Variants in DPYD observed in about 807,000 individuals in gnomAD.
The protein encoded by DPYD is dihydropyrimidine dehydrogenase, also known as dihydropyrimidine dehydrogenase [NADP(+)].
DPYD carries 109 observed loss-of-function variants against 116.2 expected under a neutral mutation model. That is an observed-to-expected ratio of 0.94 (90% CI 0.80 to 1.10). The LOEUF (loss-of-function observed/expected upper bound fraction) is 1.10. Among genes scored for constraint, DPYD ranks in the 50% least tolerant of loss-of-function variants. DPYD has a pLI of 0.00. For synonymous variants in DPYD, 440 were observed against 432.0 expected (o/e 1.02, Z -0.23); for missense variants, 1,302 against 1,254.5 (o/e 1.04, Z -0.57).
intron 3 of DPYD, among the ~76,000 whole-genome samples, chr1:97,772,765 T>C (rs1666209401): frequency 1.3e-5 from 2 of 152,078 alleles, no homozygotes; most frequent in Non-Finnish European, 1.5e-5. Context: ...CATACAAACA[T>C]ATACATGAGG....
At chr1:97,605,449 G>A (rs1287062146) in intron 8 of DPYD, among the ~76,000 whole-genome samples, 1 of 151,858 alleles carries the variant, frequency 6.6e-6, no homozygotes, top group Admixed American at 6.6e-5. Context: ...TCCCCTGCTG[G>A]CACTCACTCC....
chr1:97,333,756 G>A (rs1053944128), intron 16 of DPYD, among the ~76,000 whole-genome samples: 3 of 151,580 alleles, frequency 2.0e-5, no homozygotes, highest in South Asian at 2.1e-4. Flanking sequence ...TCCTGACCTC[G>A]TGATCCACCC....
intron 8 of DPYD, among the ~76,000 whole-genome samples, chr1:97,667,168 T>G (rs1659613276): frequency 6.6e-6 from 1 of 152,136 alleles, no homozygotes; most frequent in African/African-American, 2.4e-5. Context: ...TATAGACAAA[T>G]TTTGTAGACA....
At chr1:97,540,007 T>G (rs910321076) in intron 12 of DPYD, among the ~76,000 whole-genome samples, 1 of 152,092 alleles carries the variant, frequency 6.6e-6, no homozygotes, top group Non-Finnish European at 1.5e-5. Flanking sequence ...TCCACTAAAA[T>G]CTCACAACAC....
intron 11 of DPYD, among the ~76,000 whole-genome samples, chr1:97,566,196 T>C (rs1297207616): frequency 1.3e-5 from 2 of 152,144 alleles, no homozygotes; most frequent in African/African-American, 4.8e-5. Flanking sequence ...AAAGTACAAT[T>C]TATTGTAATT....
intron 8 of DPYD, among the ~76,000 whole-genome samples, chr1:97,649,378 G>T (rs989260568): frequency 2.0e-5 from 3 of 151,992 alleles, no homozygotes; most frequent in Non-Finnish European, 4.4e-5. Context: ...GCAAATTTTA[G>T]AAAATAAAAA....
chr1:97,530,867 C>G (rs150652692), intron 12 of DPYD, among the ~76,000 whole-genome samples: 5 of 152,104 alleles, frequency 3.3e-5, no homozygotes, highest in African/African-American at 1.2e-4. Flanking sequence ...TCCTGATGAT[C>G]AGTGATAAGC....
At chr1:97,367,410 A>G (rs1671094449) in intron 16 of DPYD, among the ~76,000 whole-genome samples, 1 of 152,090 alleles carries the variant, frequency 6.6e-6, no homozygotes, top group Non-Finnish European at 1.5e-5. Context: ...TTTAAGGTTT[A>G]CCACTTTTAA....
At chr1:97,156,037 G>C (rs1419798028) in intron 20 of DPYD, among the ~76,000 whole-genome samples, 3 of 152,254 alleles carry the variant, frequency 2.0e-5, no homozygotes, top group Non-Finnish European at 4.4e-5. Flanking sequence ...TGGGTACCAT[G>C]TTGTGAGTAG....
At chr1:97,546,271 C>G (rs1471708910) in intron 12 of DPYD, 6 of 1,460,228 alleles carry the variant, frequency 4.1e-6, no homozygotes, top group Non-Finnish European at 4.7e-6. Flanking sequence ...AAAAAGAAAC[C>G]TTTAAAAAAA....
At chr1:97,145,898 A>G (rs1250958821) in intron 20 of DPYD, among the ~76,000 whole-genome samples, 1 of 151,948 alleles carries the variant, frequency 6.6e-6, no homozygotes, top group Non-Finnish European at 1.5e-5. Context: ...TTGCTTTTTT[A>G]ATAGGTGTGC....
intron 7 of DPYD, among the ~76,000 whole-genome samples, chr1:97,683,594 C>T (rs1447125301): frequency 6.6e-6 from 1 of 151,586 alleles, no homozygotes; most frequent in African/African-American, 2.4e-5. Context: ...ATATAAAGAC[C>T]ATGAAACAAA....
chr1:97,327,325 C>G (rs1211041043), intron 16 of DPYD, among the ~76,000 whole-genome samples: 3 of 151,956 alleles, frequency 2.0e-5, no homozygotes, highest in Non-Finnish European at 2.9e-5. Flanking sequence ...TCTTATCCTG[C>G]TACAGATTAA....
At chr1:97,079,954 A>G (rs894313614) in intron 22 of DPYD, among the ~76,000 whole-genome samples, 4 of 152,072 alleles carry the variant, frequency 2.6e-5, no homozygotes, top group Non-Finnish European at 5.9e-5. Flanking sequence ...CTAGTATGAA[A>G]TTCAGGACCG....
chr1:97,208,260 C>T (rs1570672823), intron 19 of DPYD, among the ~76,000 whole-genome samples: 4 of 123,834 alleles, frequency 3.2e-5, no homozygotes, highest in Non-Finnish European at 1.8e-5. Flanking sequence ...TTCTTTCTTT[C>T]TTTCTTTTTC....
intron 14 of DPYD, among the ~76,000 whole-genome samples, chr1:97,417,539 T>C (rs77529106): frequency 0.013 from 2,016 of 152,312 alleles, 46 homozygotes; most frequent in African/African-American, 0.047. Flanking sequence ...AGCTGAAAGA[T>C]TGAAGGAAAT....
At position 97,108,542 on chromosome 1, in the gene DPYD, T is replaced by C. The variant is rs1048344434; in HGVS notation, c.2623-9910A>G. Among the ~76,000 whole-genome samples, 3 of 152,306 alleles carry C rather than the reference T, an allele frequency of 2.0e-5. 1 individual carries two copies. The highest frequency in any genetic ancestry group is 4.1e-4 in the South Asian group (2 of 4,828). On this transcript the variant is annotated intron_variant, in intron 20 of 22. Transcript: ENST00000370192. ...TATAACATATGGATATCATGGATCATGTTTATCAAACTTCCAAGGTTGGAT... is the reference window on the plus strand; with the variant it reads ...TATAACATATGGATATCATGGATCACGTTTATCAAACTTCCAAGGTTGGAT...
chr1:97,327,205 G>A (rs1268663796), intron 16 of DPYD, among the ~76,000 whole-genome samples: 1 of 151,988 alleles, frequency 6.6e-6, no homozygotes, highest in Non-Finnish European at 1.5e-5. Context: ...GCTTTACGGT[G>A]CTTAAATCAT....
At chr1:97,906,106 C>T (rs903707612) in intron 1 of DPYD, among the ~76,000 whole-genome samples, 17 of 152,064 alleles carry the variant, frequency 1.1e-4, no homozygotes, top group South Asian at 2.1e-4. Flanking sequence ...ACCTGCCTCA[C>T]ACCTGACCCA....
Sources: gnomAD v4.1 joint callset for allele counts (sites outside exome capture counted in the v4.1 genomes callset) on GRCh38, gnomAD v4.1.1 for gene constraint, MANE v1.5 for transcripts, NCBI Gene and HGNC (gene_info 2026-07-23, HGNC 2026-07-21) for gene names.